The following IFT74 variants were observed in gnomAD, a reference collection of about 807,000 sequenced individuals.
The protein encoded by IFT74 is intraflagellar transport 74.
Under a neutral mutation model 96.7 loss-of-function variants are expected in IFT74, and 92 were observed. The ratio of observed to expected loss-of-function variants is 0.95; its 90% CI spans 0.80 to 1.13. The LOEUF is 1.13. Ranked by LOEUF, IFT74 falls within the 50% of genes most tolerant of loss-of-function variation. The pLI, the probability that IFT74 is intolerant of heterozygous loss-of-function variation, is 0.00. For missense variants in IFT74, 811 were observed against 698.2 expected (o/e 1.16, Z -1.82); for synonymous variants, 223 against 213.2 (o/e 1.05, Z -0.40).
At chr9:27,050,022 C>T (rs1414797046) in intron 16 of IFT74, among the ~76,000 whole-genome samples, 1 of 152,054 alleles carries the variant, frequency 6.6e-6, no homozygotes, top group East Asian at 1.9e-4. Flanking sequence ...ATTTTATCTT[C>T]ACGACATTTC....
At chr9:27,011,714 G>A (rs527897970) in intron 9 of IFT74, among the ~76,000 whole-genome samples, 192 bp from the exon 10 acceptor site, 37 of 148,740 alleles carry the variant, frequency 2.5e-4, no homozygotes, top group South Asian at 1.3e-3. Context: ...GGGAAAAATA[G>A]AAATAATGAA....
At chr9:26,987,239 G>A (rs1827679813) in intron 6 of IFT74, among the ~76,000 whole-genome samples, 1 of 151,950 alleles carries the variant, frequency 6.6e-6, no homozygotes, top group Non-Finnish European at 1.5e-5. Flanking sequence ...GAGTAGCTGG[G>A]ATTACAGGTG....
At chr9:26,999,553 C>T (rs1224208132) in intron 8 of IFT74, 3 of 1,255,092 alleles carry the variant, frequency 2.4e-6, no homozygotes, top group Non-Finnish European at 3.4e-6. Context: ...TTATATTTTA[C>T]TAAATATACA....
chr9:26,977,127 A>C (rs1218347201), intron 2 of IFT74, among the ~76,000 whole-genome samples: 14 of 152,072 alleles, frequency 9.2e-5, no homozygotes. Flanking sequence ...ATAGTTTTTA[A>C]AATTTTTATT....
chr9:26,999,773 T>A, intron 8 of IFT74: 11 of 512,000 alleles, frequency 2.1e-5, no homozygotes, highest in South Asian at 4.1e-5. Context: ...GTTTATTCTT[T>A]TTTTTTTTTT....
chr9:27,046,834 TAA>T (rs1819715070), intron 14 of IFT74, among the ~76,000 whole-genome samples: 1 of 152,204 alleles, frequency 6.6e-6, no homozygotes, highest in Non-Finnish European at 1.5e-5. Flanking sequence ...TATTGAATAA[TAA>T]TTACCTTTGG....
intron 7 of IFT74, among the ~76,000 whole-genome samples, chr9:26,989,854 C>T (rs1254509068): frequency 6.6e-6 from 1 of 152,088 alleles, no homozygotes; most frequent in Non-Finnish European, 1.5e-5. Flanking sequence ...TCTTTGAATG[C>T]TGTTTACATA....
chr9:27,056,055 T>C (rs1820145042), intron 17 of IFT74, among the ~76,000 whole-genome samples: 1 of 152,118 alleles, frequency 6.6e-6, no homozygotes, highest in Non-Finnish European at 1.5e-5. Flanking sequence ...GACTCTATCC[T>C]ACCTGAAACT....
chr9:27,064,700 T>C lies in IFT74; in HGVS notation c.*1964T>C, dbSNP rs1330332055. Among the ~76,000 whole-genome samples, 1 of 152,156 alleles carries C rather than the reference T, an allele frequency of 6.6e-6. No individual in the cohort carries two copies. The highest frequency in any genetic ancestry group is 2.4e-5 in the African/African-American group (1 of 41,464). Reference sequence around the variant, plus strand: ...TGTTTGTGGATAGGTAATCTTTGTTTTCCTCATTTGAAAGCAAATTTAAAT... The same window carrying C: ...TGTTTGTGGATAGGTAATCTTTGTTCTCCTCATTTGAAAGCAAATTTAAAT... On this transcript the variant is annotated 3_prime_UTR_variant, in exon 20 of 20. Coordinates refer to ENST00000380062, the MANE Select transcript of IFT74 (RefSeq NM_025103.4).
At chr9:27,041,127 C>A (rs943778025) in intron 13 of IFT74, among the ~76,000 whole-genome samples, 1 of 152,114 alleles carries the variant, frequency 6.6e-6, no homozygotes, top group Non-Finnish European at 1.5e-5. Context: ...GATGAAAAAG[C>A]CTGAATTTAT....
chr9:27,042,915 C>G (rs1281772561), intron 13 of IFT74, among the ~76,000 whole-genome samples: 1 of 152,178 alleles, frequency 6.6e-6, no homozygotes, highest in Non-Finnish European at 1.5e-5. Context: ...TTCTGTTTCC[C>G]ACTCAAAAAC....
chr9:26,952,337 C>T (rs1242744375), upstream of IFT74, among the ~76,000 whole-genome samples: 3 of 149,380 alleles, frequency 2.0e-5, no homozygotes, highest in South Asian at 4.2e-4. Flanking sequence ...AGTGCAATGG[C>T]GCGATCTTGG....
intron 1 of IFT74, among the ~76,000 whole-genome samples, chr9:26,948,460 T>TA (rs1825825376): frequency 2.3e-5 from 1 of 43,138 alleles, no homozygotes; most frequent in Admixed American, 2.5e-4. Context: ...TTTTTTTTTT[T>TA]TTTTTTTTTT....
chr9:27,009,278 A>T, intron 9 of IFT74, 120 bp downstream of exon 9: 1 of 822,376 alleles, frequency 1.2e-6, no homozygotes. Context: ...ATCAGTTTTC[A>T]TTTTAACAAG....
intron 2 of IFT74, among the ~76,000 whole-genome samples, chr9:26,964,847 T>C (rs998888610): frequency 2.6e-5 from 4 of 152,110 alleles, no homozygotes; most frequent in Admixed American, 2.6e-4. Flanking sequence ...CACCTGGAGG[T>C]AAACTCTAGT....
rs549701667 is a variant in IFT74 at position 27,049,605 on chromosome 9, G to C, written c.1333+1331G>C. Among the ~76,000 whole-genome samples the C allele has an allele frequency of 2.6e-5, 4 of 152,300 alleles. No homozygotes were observed. In the East Asian group the frequency reaches 7.7e-4, roughly 29 times the overall value. ...AGCCTAGCTAGTTTGGTCAAGGATT[G>C]AATCTTTGTCAGTATAAGAGGCTTA... is the stretch of plus-strand genomic sequence containing the variant. On this transcript the variant is annotated intron_variant, in intron 16 of 19. Coordinates refer to ENST00000380062, the MANE Select transcript of IFT74 (RefSeq NM_025103.4).
At position 26,985,810 on chromosome 9, in the gene IFT74, A is replaced by C. The variant is rs536652959; in HGVS notation, c.465+1251A>C. On this transcript the variant is annotated intron_variant, in intron 6 of 19. Coordinates refer to ENST00000380062, the MANE Select transcript of IFT74 (RefSeq NM_025103.4). ...TTGCTTTAAAAACACATTTTTTATC[A>C]AGTGTTGTCATCTTGAAAATTTTGA... 1.5e-3 allele frequency among the ~76,000 whole-genome samples: 221 copies of C among 152,314 alleles called. 1 individual carries two copies. Among genetic ancestry groups the C allele is most frequent in the Middle Eastern group, 0.01 (3 of 294 alleles).
At chr9:26,982,929 C>T (rs1457461704) in intron 4 of IFT74, among the ~76,000 whole-genome samples, 3 of 152,128 alleles carry the variant, frequency 2.0e-5, no homozygotes, top group Non-Finnish European at 4.4e-5. Context: ...GGATGCATCT[C>T]TAAATCAATG....
intron 18 of IFT74, among the ~76,000 whole-genome samples, chr9:27,056,875 GATA>G (rs1820187064): frequency 1.3e-5 from 2 of 149,906 alleles, no homozygotes; most frequent in African/African-American, 2.4e-5. Flanking sequence ...TAGATAGATA[GATA>G]GATAGATAGA....
Sources: gnomAD v4.1 joint callset for allele counts (sites outside exome capture counted in the v4.1 genomes callset) on GRCh38, gnomAD v4.1.1 for gene constraint, MANE v1.5 for transcripts, NCBI Gene and HGNC (gene_info 2026-07-23, HGNC 2026-07-21) for gene names.